Variants in EP400 observed in about 807,000 individuals in gnomAD.
EP400 encodes the protein E1A-binding protein p400.
A neutral mutation model predicts 354.1 loss-of-function variants in EP400; 105 were observed. That is an observed-to-expected ratio of 0.30 (90% CI 0.25 to 0.35). The LOEUF (loss-of-function observed/expected upper bound fraction) is 0.35, where lower values mean the gene tolerates loss of function less well. Among genes scored for constraint, EP400 ranks in the 10% least tolerant of loss-of-function variants. EP400 has a pLI of 1.00. For synonymous variants in EP400, 1,646 were observed against 1,716.9 expected (o/e 0.96, Z 1.02); for missense variants, 3,280 against 4,121.0 (o/e 0.80, Z 5.59).
At chr12:131,952,333 A>T (rs891319869) in intron 1 of EP400, among the ~76,000 whole-genome samples, 17 of 150,854 alleles carry the variant, frequency 1.1e-4, no homozygotes, top group African/African-American at 4.1e-4. Flanking sequence ...AAAGAAAAAG[A>T]AATAGGGTTT....
chr12:132,011,758 G>A (rs750396195), intron 16 of EP400, 124 bp downstream of exon 16: 48 of 1,219,858 alleles, frequency 3.9e-5, no homozygotes, highest in Non-Finnish European at 5.1e-5. Context: ...TCATTCATGA[G>A]TTAACAGACC....
rs1237542541 is a variant in EP400 at position 132,031,940 on chromosome 12, T to G, written c.5755-13T>G. 1 of 1,592,494 alleles carries G rather than the reference T, an allele frequency of 6.3e-7. No homozygotes were observed. Among genetic ancestry groups the G allele is most frequent in the South Asian group, 1.1e-5 (1 of 89,096 alleles). On this transcript the variant is annotated splice_polypyrimidine_tract_variant and intron_variant, in intron 29 of 52. Coordinates refer to ENST00000389561, the MANE Select transcript of EP400 (RefSeq NM_015409.5). ...TCCAAGAATACTAACTCCTGTGTTT[T>G]GTTTCATCTTAGGAACTGATGAGGA... is the stretch of plus-strand genomic sequence containing the variant.
Position 132,043,802 on chromosome 12 carries a change from G to A in EP400, c.6450+74G>A, listed in dbSNP as rs1027681162. 2.3e-6 allele frequency: 3 copies of A among 1,308,724 alleles called. No individual in the cohort carries two copies. In the African/African-American group the frequency reaches 4.5e-5, roughly 20 times the overall value. The allele number at this position is 1,308,724 out of a possible 1,614,324, so 81.1% of individuals were successfully genotyped here. A position where few individuals can be genotyped will look rare whatever the true frequency, so the allele number is the denominator to read the frequency against. On this transcript the variant is annotated intron_variant, in intron 34 of 52. Coordinates refer to ENST00000389561, the MANE Select transcript of EP400 (RefSeq NM_015409.5). Reference sequence around the variant, plus strand: ...GAGTTAAGTTTGATTTGAAGTAAATGTGACTTCATTAAATTAAAGTCACAA... The same window carrying A: ...GAGTTAAGTTTGATTTGAAGTAAATATGACTTCATTAAATTAAAGTCACAA...
chr12:131,960,063 C>T (rs1891824683), intron 1 of EP400, among the ~76,000 whole-genome samples: 1 of 152,200 alleles, frequency 6.6e-6, no homozygotes. Context: ...AGAATGCCTC[C>T]TGGGCTCTGG....
chr12:131,979,491 TC>T (rs1566170061), intron 2 of EP400, among the ~76,000 whole-genome samples: 1 of 152,260 alleles, frequency 6.6e-6, no homozygotes, highest in East Asian at 1.9e-4. Flanking sequence ...AAGTCTTTTT[TC>T]CCCCAGAGGT....
At position 131,990,841 on chromosome 12, in the gene EP400, ATTGT is replaced by A. The variant is rs1037066143; in HGVS notation, c.2629+129_2629+132del. The A allele has an allele frequency of 9.8e-5, 67 of 685,944 alleles. No individual in the cohort carries two copies. In the African/African-American group the frequency reaches 1.2e-3, roughly 12 times the overall value. The allele number at this position is 685,944 out of a possible 1,614,324, so 42.5% of individuals were successfully genotyped here. On this transcript the variant is annotated intron_variant, in intron 9 of 52. Transcript: ENST00000389561. The surrounding 1 kb of genome is among the most constrained non-coding windows in gnomAD (Gnocchi z 4.2). Reference sequence around the variant, plus strand: ...CATCTGCTCATCAGCCAGCTGCCTGATTGTTACATTTCTCTTTGTGTGGCCATCC... The same window carrying A: ...CATCTGCTCATCAGCCAGCTGCCTGATACATTTCTCTTTGTGTGGCCATCC...
Position 132,045,755 on chromosome 12 carries a change from T to C in EP400, c.7055T>C (p.Leu2352Ser). 1.2e-6 allele frequency: 2 copies of C among 1,614,254 alleles called. No homozygotes were observed. Among genetic ancestry groups the C allele is most frequent in the Non-Finnish European group, 1.7e-6 (2 of 1,180,050 alleles). The change falls in exon 39 of 53, where the codon TTG becomes TCG. Residue 2352 changes from leucine to serine, a missense_variant. This residue lies in a region of EP400 where 84 missense variants were observed against 133.0 expected (regional missense o/e 0.63). Coordinates refer to ENST00000389561, the MANE Select transcript of EP400 (RefSeq NM_015409.5). ...GTAAAGCAGTTACTGGAGCTGCCTT[T>C]GAACCTCACAATCGTGTCACCTGCT... ...QAVKQLLELP[L>S]NLTIVSPAHT...
At chr12:131,984,662 C>T (rs1186954300) in intron 5 of EP400, among the ~76,000 whole-genome samples, 1 of 152,060 alleles carries the variant, frequency 6.6e-6, no homozygotes, top group Non-Finnish European at 1.5e-5. Context: ...GCCTGTGTTA[C>T]TGAAAAACTC....
intron 23 of EP400, among the ~76,000 whole-genome samples, chr12:132,022,879 G>A (rs1894166599): frequency 1.3e-5 from 2 of 152,088 alleles, no homozygotes; most frequent in African/African-American, 4.8e-5. Context: ...GTTTGAGGCT[G>A]CAGTGAGCTA....
At chr12:132,065,043 A>G in intron 48 of EP400, 157 bp downstream of exon 48, 2 of 1,324,804 alleles carry the variant, frequency 1.5e-6, no homozygotes, top group Non-Finnish European at 2.0e-6. Flanking sequence ...AGAGGACGGG[A>G]CTCACCACTC....
At chr12:132,058,120 C>T (rs975855931) in intron 45 of EP400, among the ~76,000 whole-genome samples, 1 of 151,786 alleles carries the variant, frequency 6.6e-6, no homozygotes, top group Non-Finnish European at 1.5e-5. Flanking sequence ...ATCCACAGAA[C>T]TGGCCCTTCT....
intron 2 of EP400, among the ~76,000 whole-genome samples, chr12:131,977,215 C>T (rs1277693610): frequency 6.6e-6 from 1 of 152,178 alleles, no homozygotes; most frequent in Non-Finnish European, 1.5e-5. Flanking sequence ...CGGCTCACTG[C>T]AAGCTCTGCC....
chr12:132,012,392 G>A (rs1292402374), intron 16 of EP400, among the ~76,000 whole-genome samples: 1 of 152,186 alleles, frequency 6.6e-6, no homozygotes, highest in African/African-American at 2.4e-5. Flanking sequence ...CCCAGATGGG[G>A]CCTTGCTGCT....
Position 132,013,327 on chromosome 12 carries a change from G to T in EP400, c.3611+149G>T. ...TTCATCCCAGCACATGGGCCAGAGAGCCCCAGAGCTGGGTCAGTGCAGCCC... is the reference window on the plus strand; with the variant it reads ...TTCATCCCAGCACATGGGCCAGAGATCCCCAGAGCTGGGTCAGTGCAGCCC... On this transcript the variant is annotated intron_variant, in intron 17 of 52. Coordinates refer to ENST00000389561, the MANE Select transcript of EP400 (RefSeq NM_015409.5). This position sits in a 1 kb window ranked among gnomAD's most constrained non-coding sequence, Gnocchi z 4.5. 7.1e-7 allele frequency: 1 copy of T among 1,411,208 alleles called. No individual in the cohort carries two copies. The allele number at this position is 1,411,208 out of a possible 1,614,324, so 87.4% of individuals were successfully genotyped here.
At chr12:132,060,002 G>C (rs1895638604) in intron 45 of EP400, among the ~76,000 whole-genome samples, 1 of 151,404 alleles carries the variant, frequency 6.6e-6, no homozygotes, top group African/African-American at 2.4e-5. Flanking sequence ...CAGCCTGGGT[G>C]ACAGAGCGAG....
Position 132,045,886 on chromosome 12 carries a change from C to T in EP400, c.7186C>T (p.Arg2396Ter). The change falls in exon 39 of 53, where the codon CGA becomes TGA. Residue 2396 changes from arginine (R) to a stop codon, truncating the protein, a stop_gained. Coordinates refer to ENST00000389561, the MANE Select transcript of EP400 (RefSeq NM_015409.5). LOFTEE classifies it high-confidence loss of function. ...TCGCTACGAGAATGTCATCATTCCA[C>T]GAGAGGAGGGGAAGGTAAGCACGGT... ...RNRYENVIIPREEGKSKNNRP... is the reference protein window; with the variant it reads ...RNRYENVIIP The T allele has an allele frequency of 1.2e-6, 2 of 1,614,174 alleles. No homozygotes were observed. The highest frequency in any genetic ancestry group is 1.7e-6 in the Non-Finnish European group (2 of 1,180,032).
intron 52 of EP400, among the ~76,000 whole-genome samples, chr12:132,077,133 A>G (rs1354321688): frequency 1.3e-5 from 2 of 152,268 alleles, no homozygotes; most frequent in Non-Finnish European, 2.9e-5. Flanking sequence ...AAGCTTTACT[A>G]CAACAACAAA....
In EP400 at chr12:131,982,035, T is replaced by C. The variant is rs1892697967; in HGVS notation, c.1544-58T>C. On this transcript the variant is annotated intron_variant, in intron 4 of 52. Coordinates refer to ENST00000389561, the MANE Select transcript of EP400 (RefSeq NM_015409.5). ...GTTAGACGTGTCTCCTTGTGACTCA[T>C]TGGTAGAAGCTGCCACACTTGGGAA... 12 of 1,496,336 alleles carry C rather than the reference T, an allele frequency of 8.0e-6. No individual in the cohort carries two copies. The South Asian group carries it at 9.3e-5, about 12-fold the overall frequency. The allele number at this position is 1,496,336 out of a possible 1,614,324, so 92.7% of individuals were successfully genotyped here.
At chr12:132,039,011 G>A (rs1249862510) in intron 32 of EP400, among the ~76,000 whole-genome samples, 1 of 152,076 alleles carries the variant, frequency 6.6e-6, no homozygotes, top group Non-Finnish European at 1.5e-5. Context: ...TTCTGTGAAA[G>A]TGTTAAAGAC....
Sources: allele counts gnomAD v4.1 joint callset (sites outside exome capture counted in the v4.1 genomes callset), GRCh38; gene constraint gnomAD v4.1.1; regional missense constraint gnomAD v4.1.1; non-coding constraint Gnocchi (gnomAD v3.1); transcripts MANE v1.5; gene names NCBI Gene and HGNC (gene_info 2026-07-23, HGNC 2026-07-21).